The following CREB3L2 variants were observed in gnomAD, a reference collection of about 807,000 sequenced individuals.
CREB3L2 encodes cAMP responsive element binding protein 3 like 2, also known as cyclic AMP-responsive element-binding protein 3-like protein 2.
A neutral mutation model predicts 57.2 loss-of-function variants in CREB3L2; 23 were observed. The observed-to-expected ratio is 0.40, with a 90% CI of 0.29 to 0.57. The LOEUF (loss-of-function observed/expected upper bound fraction) is 0.57. Ranked by LOEUF, CREB3L2 falls within the 20% of genes least tolerant of loss-of-function variation. The pLI, the probability that CREB3L2 is intolerant of heterozygous loss-of-function variation, is 0.42. For synonymous variants in CREB3L2, 268 were observed against 265.1 expected (o/e 1.01, Z -0.11); for missense variants, 628 against 634.7 (o/e 0.99, Z 0.11).
In CREB3L2 at chr7:137,887,166, G is replaced by A. The variant is rs150343119; in HGVS notation, c.1044-1664C>T. ...TGTTCACAGAATGCTGTGGGCTTTCGCAGATAACTTGCTTCTCACCACAGT... is the reference window on the plus strand; with the variant it reads ...TGTTCACAGAATGCTGTGGGCTTTCACAGATAACTTGCTTCTCACCACAGT... On this transcript the variant is annotated intron_variant, in intron 8 of 11. Coordinates refer to ENST00000330387, the MANE Select transcript of CREB3L2 (RefSeq NM_194071.4). 5.3e-5 allele frequency among the ~76,000 whole-genome samples: 8 copies of A among 152,252 alleles called. No homozygotes were observed. The East Asian group carries it at 7.7e-4, about 15-fold the overall frequency.
At chr7:137,881,084 C>T (rs1799281179) in intron 11 of CREB3L2, among the ~76,000 whole-genome samples, 1 of 152,070 alleles carries the variant, frequency 6.6e-6, no homozygotes, top group Non-Finnish European at 1.5e-5. Context: ...GGAGACATCA[C>T]AGAACAAATG....
chr7:137,987,878 G>A (rs1801818657), intron 1 of CREB3L2, among the ~76,000 whole-genome samples: 1 of 152,108 alleles, frequency 6.6e-6, no homozygotes, highest in Non-Finnish European at 1.5e-5. Flanking sequence ...TTGTAACACG[G>A]GTGGTTCAAA....
chr7:137,886,980 T>A (rs1585591688), intron 8 of CREB3L2, among the ~76,000 whole-genome samples: 1 of 152,104 alleles, frequency 6.6e-6, no homozygotes, highest in African/African-American at 2.4e-5. Context: ...CTCCTCCTCA[T>A]CCTCATCCCC....
intron 1 of CREB3L2, among the ~76,000 whole-genome samples, chr7:137,929,573 T>C (rs1249428959): frequency 6.6e-6 from 1 of 151,560 alleles, no homozygotes; most frequent in African/African-American, 2.4e-5. Flanking sequence ...AATAATAATA[T>C]AAAATAGGGC....
intron 1 of CREB3L2, among the ~76,000 whole-genome samples, chr7:137,981,128 G>A (rs376103398): frequency 2.6e-5 from 4 of 152,208 alleles, no homozygotes; most frequent in Admixed American, 1.3e-4. Context: ...TAGGAAAACC[G>A]GCAGAGTTAA....
At chr7:137,898,273 T>A (rs273943) in intron 8 of CREB3L2, among the ~76,000 whole-genome samples, 1 of 152,104 alleles carries the variant, frequency 6.6e-6, no homozygotes, top group Non-Finnish European at 1.5e-5. Context: ...GTGTTGGCAA[T>A]GGTGTGGAGA....
At chr7:137,960,651 CA>C (rs1297675265) in intron 1 of CREB3L2, among the ~76,000 whole-genome samples, 1 of 152,136 alleles carries the variant, frequency 6.6e-6, no homozygotes, top group Non-Finnish European at 1.5e-5. Context: ...AAGACATCCA[CA>C]GGGGAACCAT....
At chr7:137,897,245 T>C (rs1799647483) in intron 8 of CREB3L2, among the ~76,000 whole-genome samples, 2 of 152,214 alleles carry the variant, frequency 1.3e-5, no homozygotes, top group South Asian at 4.1e-4. Flanking sequence ...GCCTTAATAA[T>C]GCTGACAACA....
intron 8 of CREB3L2, among the ~76,000 whole-genome samples, chr7:137,896,920 C>T (rs1473202882): frequency 6.6e-6 from 1 of 152,152 alleles, no homozygotes; most frequent in Admixed American, 6.5e-5. Flanking sequence ...AAGTCAAACT[C>T]ACAGAAACAA....
intron 8 of CREB3L2, among the ~76,000 whole-genome samples, chr7:137,898,617 T>C (rs896843317): frequency 1.3e-5 from 2 of 152,364 alleles, no homozygotes; most frequent in East Asian, 3.9e-4. Context: ...CCAATTTTTA[T>C]GTTCCTTCTG....
At chr7:137,912,823 AT>A (rs1271397291) in intron 4 of CREB3L2, 167 bp downstream of exon 4, 1 of 1,519,420 alleles carries the variant, frequency 6.6e-7, no homozygotes, top group Non-Finnish European at 8.8e-7. Context: ...AGCTTGCAAA[AT>A]TTTTATTTGG....
At chr7:137,960,619 G>A (rs539965433) in intron 1 of CREB3L2, among the ~76,000 whole-genome samples, 1 of 152,078 alleles carries the variant, frequency 6.6e-6, no homozygotes, top group East Asian at 1.9e-4. Flanking sequence ...AATTACCTCT[G>A]GCTCTAAAGC....
chr7:137,883,933 C>A (rs138146058), intron 10 of CREB3L2, among the ~76,000 whole-genome samples: 1 of 152,184 alleles, frequency 6.6e-6, no homozygotes, highest in Non-Finnish European at 1.5e-5. Context: ...GAACACCATA[C>A]GCTTCTTATC....
chr7:137,890,924 G>A (rs185878091), intron 8 of CREB3L2, among the ~76,000 whole-genome samples: 373 of 152,308 alleles, frequency 2.4e-3, no homozygotes, highest in African/African-American at 8.7e-3. Flanking sequence ...AGATCCAATG[G>A]TGCCTATGAA....
intron 1 of CREB3L2, among the ~76,000 whole-genome samples, chr7:137,965,268 A>G (rs757584989): frequency 2.6e-5 from 4 of 152,254 alleles, no homozygotes; most frequent in Non-Finnish European, 4.4e-5. Context: ...TTCTATAAAC[A>G]GAAATTTAGT....
chr7:137,911,466 CT>C (rs1800003435), intron 4 of CREB3L2, among the ~76,000 whole-genome samples: 1 of 152,176 alleles, frequency 6.6e-6, no homozygotes, highest in Non-Finnish European at 1.5e-5. Flanking sequence ...GCAAATATAC[CT>C]TTTCGGTGAC....
intron 2 of CREB3L2, among the ~76,000 whole-genome samples, chr7:137,927,204 G>A (rs1800485468): frequency 6.8e-6 from 1 of 147,050 alleles, no homozygotes; most frequent in Non-Finnish European, 1.5e-5. Flanking sequence ...AGGAAAGGGA[G>A]GAAGGAAAGA....
At chr7:137,890,866 T>C (rs1410719171) in intron 8 of CREB3L2, among the ~76,000 whole-genome samples, 1 of 152,090 alleles carries the variant, frequency 6.6e-6, no homozygotes, top group Non-Finnish European at 1.5e-5. Flanking sequence ...GCAGATGAAA[T>C]GGAAAAGTTA....
In CREB3L2 at chr7:137,877,593, A is replaced by G. The variant is rs1451699228; in HGVS notation, c.*2883T>C. On this transcript the variant is annotated 3_prime_UTR_variant, in exon 12 of 12. Transcript: ENST00000330387. ...TGAATCTTTGCAAAACATCTCCTTC[A>G]CTGGTGCAATCTAAGAAAGGGAAAT... 4.4e-6 allele frequency: 1 copy of G among 225,968 alleles called. No individual in the cohort carries two copies. The highest frequency in any genetic ancestry group is 8.8e-6 in the Non-Finnish European group (1 of 113,608). The allele number at this position is 225,968 out of a possible 1,614,324, so 14.0% of individuals were successfully genotyped here. A position where few individuals can be genotyped will look rare whatever the true frequency, so the allele number is the denominator to read the frequency against.
Sources: allele counts gnomAD v4.1 joint callset (sites outside exome capture counted in the v4.1 genomes callset), GRCh38; gene constraint gnomAD v4.1.1; transcripts MANE v1.5; gene names NCBI Gene and HGNC (gene_info 2026-07-23, HGNC 2026-07-21).